The following ABCB11 variants were observed in gnomAD, a reference collection of about 807,000 sequenced individuals.
ABCB11 encodes ATP binding cassette subfamily B member 11.
Under a neutral mutation model 148.0 loss-of-function variants are expected in ABCB11, and 95 were observed. That is an observed-to-expected ratio of 0.64 (90% CI 0.54 to 0.76). The LOEUF (loss-of-function observed/expected upper bound fraction) is 0.76. Among genes scored for constraint, ABCB11 ranks in the 30% least tolerant of loss-of-function variants. ABCB11 has a pLI of 0.00. For synonymous variants in ABCB11, 591 were observed against 555.4 expected, an observed-to-expected ratio of 1.06 and a Z score of -0.90; for missense variants, 1,523 against 1,617.8, an observed-to-expected ratio of 0.94 and a Z score of 1.01.
At chr2:168,928,168 C>T (rs1691398953) in intron 25 of ABCB11, among the ~76,000 whole-genome samples, 2 of 152,156 alleles carry the variant, frequency 1.3e-5, no homozygotes, top group African/African-American at 2.4e-5. Context: ...AAAGCAAACA[C>T]TATTAGAAAA....
chr2:168,939,636 G>A (rs1691975533), intron 21 of ABCB11, among the ~76,000 whole-genome samples: 1 of 151,834 alleles, frequency 6.6e-6, no homozygotes, highest in African/African-American at 2.4e-5. Flanking sequence ...ATTTCTCAAT[G>A]AGCTCTAGCT....
intron 18 of ABCB11, among the ~76,000 whole-genome samples, chr2:168,963,419 GGT>G (rs1485484255): frequency 1.3e-5 from 2 of 151,648 alleles, no homozygotes; most frequent in African/African-American, 2.4e-5. Context: ...TCTAACGAAG[GGT>G]GGTAGGGGAA....
chr2:169,018,655 A>C (rs1695438410), intron 1 of ABCB11, among the ~76,000 whole-genome samples: 1 of 152,182 alleles, frequency 6.6e-6, no homozygotes, highest in Non-Finnish European at 1.5e-5. Context: ...AACAGAAGGA[A>C]GACATTTTCT....
At position 168,979,907 on chromosome 2, in the gene ABCB11, C is replaced by A. The variant is rs764125510; in HGVS notation, c.1156G>T (p.Gly386Ter). The A allele has an allele frequency of 3.1e-6, 5 of 1,611,534 alleles. No individual in the cohort carries two copies. The South Asian group carries it at 5.5e-5, about 18-fold the overall frequency. ...AAAATGCTGGTGGCTGCTGCACGTC[C>A]AGTTGCAAAGGCTTCCAAACAAGGA... ...ASPCLEAFAT[G>*]RAAATSIFET... Residue 386 changes from glycine (G) to a stop codon, truncating the protein, a stop_gained, in exon 11 of 28, where the codon GGA becomes TGA. Transcript: ENST00000650372. LOFTEE classifies it high-confidence loss of function.
chr2:168,925,138 C>A (rs1225769499), intron 26 of ABCB11, among the ~76,000 whole-genome samples: 1 of 152,162 alleles, frequency 6.6e-6, no homozygotes, highest in Non-Finnish European at 1.5e-5. Context: ...ATTCTAGATT[C>A]TTATCTGGAA....
intron 16 of ABCB11, 148 bp from the exon 17 acceptor site, chr2:168,968,638 G>A (rs1251124153): frequency 1.2e-5 from 8 of 683,342 alleles, no homozygotes; most frequent in East Asian, 5.6e-5. Context: ...AATAAAACTC[G>A]GGACTTGTCC....
intron 10 of ABCB11, among the ~76,000 whole-genome samples, chr2:168,980,962 C>T (rs948754158): frequency 2.0e-5 from 3 of 152,160 alleles, no homozygotes; most frequent in Non-Finnish European, 4.4e-5. Context: ...AAAGAATGGT[C>T]CTACTCTTGT....
chr2:168,977,948 C>G (rs915326544), intron 11 of ABCB11, among the ~76,000 whole-genome samples: 1 of 151,996 alleles, frequency 6.6e-6, no homozygotes, highest in Non-Finnish European at 1.5e-5. Context: ...TAAAGCCAAA[C>G]CATATCAATC....
intron 12 of ABCB11, among the ~76,000 whole-genome samples, chr2:168,974,965 T>C (rs1693753484): frequency 6.8e-6 from 1 of 147,762 alleles, no homozygotes; most frequent in African/African-American, 2.5e-5. Context: ...TGAAGGTAAA[T>C]AGAGATATAC....
chr2:168,999,075 G>A lies in ABCB11; in HGVS notation c.390-2353C>T, dbSNP rs565076099. The stretch of plus-strand genomic sequence containing the variant: ...TTCTATAAAGTGTGCAGGTGATTTG[G>A]ACCACAGAATGGCATTTTTTTAACA... On this transcript the variant is annotated intron_variant, in intron 5 of 27. Coordinates refer to ENST00000650372, the MANE Select transcript of ABCB11 (RefSeq NM_003742.4). 4.4e-4 allele frequency among the ~76,000 whole-genome samples: 67 copies of A among 152,082 alleles called. 2 individuals carry two copies. Among genetic ancestry groups the A allele is most frequent in the Admixed American group, 1.1e-3 (17 of 15,242 alleles).
rs374262721 is a variant in ABCB11 at position 168,986,241 on chromosome 2, T to C, written c.952A>G (p.Lys318Glu). ...GTAAAGAATCCCATCACTATTCCTT[T>C]TCTAATTCCCCAACGCTGGGCGAAC... ...LVFAQRWGIR[K>E]GIVMGFFTGF... Residue 318 changes from lysine (K) to glutamate (E), a missense_variant, in exon 10 of 28, where the codon AAA becomes GAA. Transcript: ENST00000650372. The C allele has an allele frequency of 1.2e-6, 2 of 1,613,314 alleles. No homozygotes were observed. Among genetic ancestry groups the C allele is most frequent in the African/African-American group, 2.7e-5 (2 of 74,996 alleles).
rs757887126 is a variant in ABCB11, at chr2:168,930,701, C to T, written c.3375G>A (p.Leu1125=). Residue 1125 remains leucine, a synonymous_variant, in exon 25 of 28, where the codon CTG becomes CTA. Transcript: ENST00000650372. ...SGCGKSTSIQ[L]LERFYDPDQG... Reference sequence around the variant, plus strand: ...GATCAGGATCATAGAAACGTTCCAACAGCTGAATGCTAGTGCTTTTGCCAC... The same window carrying T: ...GATCAGGATCATAGAAACGTTCCAATAGCTGAATGCTAGTGCTTTTGCCAC... The T allele has an allele frequency of 6.3e-7, 1 of 1,579,492 alleles. No individual in the cohort carries two copies. Among genetic ancestry groups the T allele is most frequent in the Non-Finnish European group, 8.6e-7 (1 of 1,157,138 alleles).
chr2:168,936,877 T>A (rs1413067774), intron 21 of ABCB11, among the ~76,000 whole-genome samples: 1 of 152,104 alleles, frequency 6.6e-6, no homozygotes, highest in Non-Finnish European at 1.5e-5. Context: ...TCCTTTTTAT[T>A]TTTATTTTTT....
At chr2:168,962,794 G>C (rs548415885) in intron 18 of ABCB11, among the ~76,000 whole-genome samples, 205 of 151,748 alleles carry the variant, frequency 1.4e-3, no homozygotes, top group African/African-American at 4.7e-3. Flanking sequence ...GCTATTTCTA[G>C]AACTAGAAGA....
chr2:168,982,784 G>C (rs763879443), intron 10 of ABCB11, among the ~76,000 whole-genome samples: 2 of 150,160 alleles, frequency 1.3e-5, no homozygotes, highest in Non-Finnish European at 3.0e-5. Context: ...GAGAGCGAGC[G>C]AGAGAGAGAG....
intron 11 of ABCB11, among the ~76,000 whole-genome samples, chr2:168,977,080 T>C (rs1446807053): frequency 7.0e-6 from 1 of 142,544 alleles, no homozygotes; most frequent in Non-Finnish European, 1.5e-5. Flanking sequence ...AGATATTATA[T>C]AATATGTGCC....
At chr2:169,017,746 A>G (rs553697745) in intron 2 of ABCB11, among the ~76,000 whole-genome samples, 16 of 152,256 alleles carry the variant, frequency 1.1e-4, no homozygotes, top group African/African-American at 3.1e-4. Flanking sequence ...ATTAATAATA[A>G]CAATACAGGA....
At position 168,971,878 on chromosome 2, in the gene ABCB11, T is replaced by C. The variant is rs926925366; in HGVS notation, c.1607A>G (p.Asn536Ser). The change falls in exon 14 of 28, where the codon AAT (asparagine) becomes AGT (serine). Residue 536 changes from asparagine to serine, a missense_variant. Coordinates refer to ENST00000650372, the MANE Select transcript of ABCB11 (RefSeq NM_003742.4). Reference sequence around the variant, plus strand: ...CAGGTCCATGATGAAGTTGTAGGCATTGGCCTCCTTGGCAGCTTGGACTAT... The same window carrying C: ...CAGGTCCATGATGAAGTTGTAGGCACTGGCCTCCTTGGCAGCTTGGACTAT... ...EDIVQAAKEA[N>S]AYNFIMDLPQ... The C allele has an allele frequency of 6.8e-6, 11 of 1,612,830 alleles. No homozygotes were observed. The highest frequency in any genetic ancestry group is 8.5e-6 in the Non-Finnish European group (10 of 1,179,282).
At chr2:168,950,228 G>A (rs72886761) in intron 19 of ABCB11, among the ~76,000 whole-genome samples, 18,373 of 151,148 alleles carry the variant, frequency 0.12, 1,306 homozygotes, top group East Asian at 0.34. Flanking sequence ...GTATATGTGT[G>A]TGTGTATACA....
Sources: gnomAD v4.1 joint callset for allele counts (sites outside exome capture counted in the v4.1 genomes callset) on GRCh38, gnomAD v4.1.1 for gene constraint, MANE v1.5 for transcripts, NCBI Gene and HGNC (gene_info 2026-07-23, HGNC 2026-07-21) for gene names.